Variants in PDLIM2 observed in about 807,000 individuals in gnomAD.
The protein encoded by PDLIM2 is PDZ and LIM domain 2, also known as PDZ and LIM domain protein 2.
Under a neutral mutation model 54.1 loss-of-function variants are expected in PDLIM2, and 51 were observed. The observed-to-expected ratio is 0.94, with a 90% CI of 0.75 to 1.19. The LOEUF (loss-of-function observed/expected upper bound fraction) is 1.19, where lower values mean the gene tolerates loss of function less well. PDLIM2 is among the 50% of genes most tolerant of loss of function. The probability of loss-of-function intolerance (pLI) is 0.00; values close to 1 mark genes in which losing one functional copy is unlikely to be tolerated. For synonymous variants in PDLIM2, 398 were observed against 385.6 expected (o/e 1.03, Z -0.38); for missense variants, 912 against 874.0 (o/e 1.04, Z -0.55).
At chr8:22,581,219 A>C in intron 2 of PDLIM2, 160 bp from the exon 2 acceptor site, 2 of 890,246 alleles carry the variant, frequency 2.2e-6, no homozygotes, top group Non-Finnish European at 3.4e-6. Context: ...CCTGGAGGGG[A>C]TGGCTGATCA....
chr8:22,579,626 C>T (rs990672021), intron 1 of PDLIM2: 13 of 1,299,360 alleles, frequency 1.0e-5, no homozygotes, highest in Admixed American at 7.7e-5. Context: ...GGAAGGCAGC[C>T]GGGGATGGAG....
chr8:22,585,621 C>T (rs1378475914), intron 6 of PDLIM2: 4 of 549,480 alleles, frequency 7.3e-6, no homozygotes, highest in Admixed American at 3.3e-5. Context: ...CCCAGTAGCC[C>T]GTCCATCTCC....
rs2117348106 is a variant in PDLIM2 at position 22,585,002 on chromosome 8, T to C, written c.1066-15T>C. On this transcript the variant is annotated splice_polypyrimidine_tract_variant and intron_variant, in intron 4 of 9. Coordinates refer to ENST00000308354, the Ensembl canonical transcript of PDLIM2. The stretch of plus-strand genomic sequence containing the variant: ...GGCAGCCCTGCCTTTCCTGACACAG[T>C]CACTCTCTCCACAGGGCTCCGTGAG... 2 of 1,613,442 alleles carry C rather than the reference T, an allele frequency of 1.2e-6. No individual in the cohort carries two copies. Among genetic ancestry groups the C allele is most frequent in the South Asian group, 2.2e-5 (2 of 91,064 alleles).
chr8:22,591,097 C>G (rs1046351743), intron 8 of PDLIM2: 1 of 209,456 alleles, frequency 4.8e-6, no homozygotes, highest in Non-Finnish European at 9.8e-6. Context: ...GAGGCCTCAG[C>G]GTCCTTAGCT....
exon 1 of PDLIM2, chr8:22,579,411 C>A (rs1472383440): frequency 6.6e-7 from 1 of 1,512,620 alleles, no homozygotes; most frequent in Non-Finnish European, 8.8e-7. Context: ...CAGCCCCCAG[C>A]CCGCAGGGTA....
exon 1 of PDLIM2, chr8:22,579,335 T>C (rs1357172824): frequency 6.8e-7 from 1 of 1,459,916 alleles, no homozygotes; most frequent in Non-Finnish European, 9.0e-7. Flanking sequence ...CCCAGCTCCC[T>C]GGAGCCTCGC....
exon 10 of PDLIM2, chr8:22,594,062 G>T: frequency 6.9e-7 from 1 of 1,445,412 alleles, no homozygotes; most frequent in Non-Finnish European, 9.1e-7. Flanking sequence ...CCAAGGTCTG[G>T]GACCTGTCTT....
In PDLIM2 at chr8:22,580,474, C is replaced by A; in HGVS notation, c.749-129C>A. On this transcript the variant is annotated intron_variant, in intron 1 of 9. Transcript: ENST00000308354. ...GCCACTTCCTCTACCCACCCCAAAG[C>A]CCCTGAGTAGCTGCTCCGGGAGCTG... The A allele has an allele frequency of 6.5e-7, 1 of 1,547,804 alleles. No homozygotes were observed. The highest frequency in any genetic ancestry group is 8.7e-7 in the Non-Finnish European group (1 of 1,148,252).
chr8:22,593,457 ATCCC>A, intron 9 of PDLIM2: 4 of 403,672 alleles, frequency 9.9e-6, no homozygotes, highest in Admixed American at 8.3e-5. Flanking sequence ...CATGCTTGTA[ATCCC>A]AGCTACTCAG....
At chr8:22,592,794 A>G (rs1227015071) in intron 9 of PDLIM2, 2 of 152,234 alleles carry the variant, frequency 1.3e-5, no homozygotes, top group Admixed American at 1.3e-4. Flanking sequence ...CCAGGACCAC[A>G]CTGAGAATCA....
In PDLIM2 at chr8:22,589,784, C is replaced by T. The variant is rs371977324; in HGVS notation, c.1513+43C>T. ...TGGGGAGGGGAAGGAGGTTCCCTTC[C>T]GTACCCCGGGCCCTGACTGGATGGG... On this transcript the variant is annotated intron_variant, in intron 8 of 9. Transcript: ENST00000308354. 43 of 1,550,276 alleles carry T rather than the reference C, an allele frequency of 2.8e-5. No homozygotes were observed. In the African/African-American group the frequency reaches 3.1e-4, roughly 11 times the overall value.
At chr8:22,585,202 T>C (rs773520774) in intron 5 of PDLIM2, 40 bp downstream of exon 4, 17 of 1,608,280 alleles carry the variant, frequency 1.1e-5, no homozygotes, top group Middle Eastern at 1.6e-4. Flanking sequence ...TCGCCTGCGC[T>C]GCCAGCTCCA....
chr8:22,591,562 G>A (rs1425119725), exon 9 of PDLIM2: 1 of 1,613,642 alleles, frequency 6.2e-7, no homozygotes, highest in Non-Finnish European at 8.5e-7. Flanking sequence ...TGGCACGCCA[G>A]CCTTCTTGCC....
chr8:22,596,183 T>TA (rs1188943493), downstream of PDLIM2: 1 of 152,200 alleles, frequency 6.6e-6, no homozygotes, highest in African/African-American at 2.4e-5. Flanking sequence ...TTCCCACCTG[T>TA]ATGTAGCACG....
At chr8:22,594,561 T>C, downstream of PDLIM2, 3 of 1,614,040 alleles carry the variant, frequency 1.9e-6, no homozygotes, top group Non-Finnish European at 2.5e-6. Flanking sequence ...GGAATGAGAT[T>C]GTCACTGGAA....
exon 9 of PDLIM2, chr8:22,591,581 T>G: frequency 6.2e-7 from 1 of 1,613,628 alleles, no homozygotes; most frequent in Non-Finnish European, 8.5e-7. Context: ...CCCAGCTCAC[T>G]GAGCCCCCAG....
At chr8:22,584,411 C>T (rs4872518) in intron 3 of PDLIM2, among the ~76,000 whole-genome samples, 83,495 of 151,650 alleles carry the variant, frequency 0.55, 23,270 homozygotes, top group Admixed American at 0.62. Flanking sequence ...TGGGCTCAAG[C>T]GATCCTCCCA....
At chr8:22,579,542 G>T in intron 1 of PDLIM2, 3 of 1,452,740 alleles carry the variant, frequency 2.1e-6, no homozygotes, top group South Asian at 2.7e-5. Flanking sequence ...GGGAATCTCG[G>T]GGCGGCCGCG....
exon 4 of PDLIM2, chr8:22,584,870 G>A (rs1313757191): frequency 6.2e-7 from 1 of 1,614,180 alleles, no homozygotes; most frequent in Admixed American, 1.7e-5. Context: ...CTCCTTGGAA[G>A]TGCTGGCGAC....
Sources: allele counts gnomAD v4.1 joint callset (sites outside exome capture counted in the v4.1 genomes callset), GRCh38; gene constraint gnomAD v4.1.1; transcripts MANE v1.5; gene names NCBI Gene and HGNC (gene_info 2026-07-23, HGNC 2026-07-21).